Variants in BAZ2B observed in about 807,000 individuals in gnomAD.
The protein encoded by BAZ2B is bromodomain adjacent to zinc finger domain 2B, also known as bromodomain adjacent to zinc finger domain protein 2B.
Under a neutral mutation model 246.0 loss-of-function variants are expected in BAZ2B, and 91 were observed. That is an observed-to-expected ratio of 0.37 (90% confidence interval 0.31 to 0.44). The LOEUF (loss-of-function observed/expected upper bound fraction) is 0.44, where lower values mean the gene tolerates loss of function less well. Ranked by LOEUF, BAZ2B falls within the 20% of genes least tolerant of loss-of-function variation. The pLI is 1.00. For missense variants in BAZ2B, 2,332 were observed against 2,533.7 expected (o/e 0.92, Z 1.71); for synonymous variants, 855 against 860.0 (o/e 0.99, Z 0.10).
chr2:159,585,899 T>G (rs1271389005), intron 1 of BAZ2B, among the ~76,000 whole-genome samples: 1 of 152,256 alleles, frequency 6.6e-6, no homozygotes, highest in Non-Finnish European at 1.5e-5. Context: ...TACTTAAAGC[T>G]AATCTTTTCA....
intron 2 of BAZ2B, among the ~76,000 whole-genome samples, chr2:159,526,388 G>A (rs970014773): frequency 2.0e-5 from 3 of 152,044 alleles, no homozygotes; most frequent in Non-Finnish European, 4.4e-5. Context: ...TCCCATACAT[G>A]CACATAAAAA....
chr2:159,534,768 A>G (rs1248802448), intron 2 of BAZ2B, among the ~76,000 whole-genome samples: 4 of 151,908 alleles, frequency 2.6e-5, no homozygotes, highest in African/African-American at 9.7e-5. Flanking sequence ...CTCTGCACCC[A>G]GCTAATTTTT....
chr2:159,559,658 T>C (rs1457490231), intron 1 of BAZ2B, among the ~76,000 whole-genome samples: 1 of 152,160 alleles, frequency 6.6e-6, no homozygotes, highest in African/African-American at 2.4e-5. Context: ...CATGACTTAA[T>C]AGGTACTTGC....
the BAZ2B span, among the ~76,000 whole-genome samples, chr2:159,671,550 G>A: frequency 6.6e-6 from 1 of 152,006 alleles, no homozygotes; most frequent in Admixed American, 6.6e-5. Flanking sequence ...TTATTGGGAC[G>A]ATTTCACCAA....
chr2:159,555,865 C>T lies in BAZ2B; in HGVS notation c.-45G>A, dbSNP rs1158049244. 6.7e-6 allele frequency: 1 copy of T among 149,250 alleles called. No homozygotes were observed. The highest frequency in any genetic ancestry group is 1.5e-5 in the Non-Finnish European group (1 of 67,570). 9.2% of individuals were successfully genotyped at this position (149,250 alleles called of 1,614,324 possible). A position where few individuals can be genotyped will look rare whatever the true frequency, so the allele number is the denominator to read the frequency against. Reference sequence around the variant, plus strand: ...ATCTTGTGACATCACTGTTGGGAAACCTGCAATAGGAAAACAAGAATTAGC... The same window carrying T: ...ATCTTGTGACATCACTGTTGGGAAATCTGCAATAGGAAAACAAGAATTAGC... On this transcript the variant is annotated splice_region_variant and 5_prime_UTR_variant, in exon 2 of 37. Transcript: ENST00000392783.
intron 13 of BAZ2B, among the ~76,000 whole-genome samples, chr2:159,427,668 C>A (rs893122180): frequency 6.6e-6 from 1 of 152,026 alleles, no homozygotes; most frequent in African/African-American, 2.4e-5. Flanking sequence ...GATGCAGATG[C>A]TTTTATACCT....
intron 12 of BAZ2B, 31 bp downstream of exon 12, chr2:159,428,280 A>AAAT: frequency 6.4e-7 from 1 of 1,567,168 alleles, no homozygotes; most frequent in Non-Finnish European, 8.8e-7. Flanking sequence ...AATAGGCACC[A>AAAT]AATGTACATT....
chr2:159,707,012 C>T, the BAZ2B span, among the ~76,000 whole-genome samples: 2 of 152,192 alleles, frequency 1.3e-5, no homozygotes, highest in African/African-American at 4.8e-5. Flanking sequence ...TCAAACTTAT[C>T]AGCTTCCACA....
At chr2:159,630,565 G>C in the BAZ2B span, among the ~76,000 whole-genome samples, 4 of 147,500 alleles carry the variant, frequency 2.7e-5, no homozygotes, top group African/African-American at 7.6e-5. Context: ...ACGGAGTCTC[G>C]CTCTGTCGCC....
chr2:159,520,148 C>T (rs1011933794), intron 2 of BAZ2B, among the ~76,000 whole-genome samples: 1 of 152,044 alleles, frequency 6.6e-6, no homozygotes, highest in African/African-American at 2.4e-5. Context: ...CGACATGCTA[C>T]CATGGTATAA....
At chr2:159,451,112 T>C (rs1377827429) in intron 4 of BAZ2B, among the ~76,000 whole-genome samples, 3 of 152,160 alleles carry the variant, frequency 2.0e-5, no homozygotes, top group Non-Finnish European at 4.4e-5. Context: ...TTTAGCAGAA[T>C]TTAAAAATCG....
chr2:159,462,379 C>A, intron 3 of BAZ2B: 1 of 1,183,472 alleles, frequency 8.4e-7, no homozygotes, highest in Non-Finnish European at 1.3e-6. Context: ...ACTGAAGAAT[C>A]CTACATTCAG....
the BAZ2B span, among the ~76,000 whole-genome samples, chr2:159,659,680 G>C: frequency 6.6e-6 from 1 of 152,084 alleles, no homozygotes; most frequent in African/African-American, 2.4e-5. Context: ...CTGGCGTAGG[G>C]GTATAGGAAC....
intron 2 of BAZ2B, among the ~76,000 whole-genome samples, chr2:159,488,509 C>G (rs1012563313): frequency 3.3e-5 from 5 of 151,790 alleles, no homozygotes; most frequent in Non-Finnish European, 7.4e-5. Context: ...TGCCATGTAC[C>G]CACAACATTT....
intron 27 of BAZ2B, among the ~76,000 whole-genome samples, chr2:159,368,593 A>C (rs1237039051): frequency 6.6e-6 from 1 of 152,220 alleles, no homozygotes; most frequent in Non-Finnish European, 1.5e-5. Context: ...AGAAGAAAAT[A>C]AAGTGAAAAA....
At chr2:159,322,188 C>T (rs174227) in intron 36 of BAZ2B, among the ~76,000 whole-genome samples, 89,148 of 152,022 alleles carry the variant, frequency 0.59, 27,466 homozygotes, top group East Asian at 0.95. Context: ...TTTCTCTATG[C>T]GTAATGTGCT....
At chr2:159,374,659 A>G (rs2061228865) in intron 26 of BAZ2B, 32 bp downstream of exon 26, 1 of 1,573,276 alleles carries the variant, frequency 6.4e-7, no homozygotes, top group African/African-American at 1.3e-5. Context: ...AACACTGTGA[A>G]GAAGTTAAAT....
At chr2:159,552,161 T>A (rs1418915983) in intron 2 of BAZ2B, among the ~76,000 whole-genome samples, 2 of 152,188 alleles carry the variant, frequency 1.3e-5, no homozygotes, top group Non-Finnish European at 2.9e-5. Context: ...TAGTTCATTT[T>A]GGTTTTTTAA....
chr2:159,638,133 C>T, the BAZ2B span, among the ~76,000 whole-genome samples: 5 of 152,214 alleles, frequency 3.3e-5, no homozygotes, highest in Non-Finnish European at 7.3e-5. Flanking sequence ...ACAAAAGTCT[C>T]TGCGTGGTAA....
Sources: allele counts gnomAD v4.1 joint callset (sites outside exome capture counted in the v4.1 genomes callset), GRCh38; gene constraint gnomAD v4.1.1; transcripts MANE v1.5; gene names NCBI Gene and HGNC (gene_info 2026-07-23, HGNC 2026-07-21).